RGPD2: variants seen among roughly 807,000 people sequenced by gnomAD.
RGPD2 encodes RANBP2-like and GRIP domain-containing protein 2.
RGPD2 carries 2 observed loss-of-function variants against 36.0 expected under a neutral mutation model. The ratio of observed to expected loss-of-function variants is 0.06; its 90% CI spans 0.02 to 0.17. The LOEUF (loss-of-function observed/expected upper bound fraction) is 0.17. RGPD2 is among the 10% of genes least tolerant of loss of function. RGPD2 has a pLI of 1.00. For missense variants in RGPD2, 40 were observed against 464.3 expected, an observed-to-expected ratio of 0.09 and a Z score of 8.40; for synonymous variants, 19 against 163.8, an observed-to-expected ratio of 0.12 and a Z score of 6.75.
chr2:87,924,687 C>G, the RGPD2 span, among the ~76,000 whole-genome samples: 1 of 146,482 alleles, frequency 6.8e-6, no homozygotes, highest in Admixed American at 6.8e-5. Flanking sequence ...GAAATACTTC[C>G]AATAATTTAA....
At chr2:87,988,580 A>C in the RGPD2 span, among the ~76,000 whole-genome samples, 1 of 121,478 alleles carries the variant, frequency 8.2e-6, no homozygotes, top group Non-Finnish European at 1.8e-5. Context: ...TCACTCTATC[A>C]CCTAGGCTGG....
At chr2:87,945,427 GAC>G in the RGPD2 span, among the ~76,000 whole-genome samples, 56 of 149,360 alleles carry the variant, frequency 3.7e-4, no homozygotes, top group Non-Finnish European at 7.1e-4. Flanking sequence ...ATTGATTATT[GAC>G]ACATACACAG....
chr2:87,987,999 A>G, the RGPD2 span, among the ~76,000 whole-genome samples: 2 of 151,402 alleles, frequency 1.3e-5, no homozygotes, highest in Non-Finnish European at 2.9e-5. Context: ...ACCTTTTAGA[A>G]GGCAAGGAAT....
chr2:87,973,713 A>T, the RGPD2 span, among the ~76,000 whole-genome samples: 1 of 145,682 alleles, frequency 6.9e-6, no homozygotes, highest in Non-Finnish European at 1.5e-5. Context: ...AAAAAAAAAG[A>T]GTGTGGGCTC....
At chr2:87,888,357 A>G in the RGPD2 span, among the ~76,000 whole-genome samples, 3 of 150,488 alleles carry the variant, frequency 2.0e-5, no homozygotes, top group African/African-American at 7.3e-5. Flanking sequence ...CAAATGGATT[A>G]TACACCCACA....
At chr2:87,878,243 A>G in the RGPD2 span, among the ~76,000 whole-genome samples, 1 of 150,794 alleles carries the variant, frequency 6.6e-6, no homozygotes, top group Non-Finnish European at 1.5e-5. Flanking sequence ...TTTTTTCTCT[A>G]TTCTTGTCTG....
At chr2:87,887,500 T>C in the RGPD2 span, among the ~76,000 whole-genome samples, 1 of 151,952 alleles carries the variant, frequency 6.6e-6, no homozygotes, top group East Asian at 1.9e-4. Flanking sequence ...ACTACATAGA[T>C]TTTACATTGT....
intron 20 of RGPD2, among the ~76,000 whole-genome samples, chr2:87,781,456 GTTT>G (rs947473930): frequency 9.0e-6 from 1 of 111,006 alleles, no homozygotes; most frequent in Admixed American, 9.0e-5. Context: ...GGTTTTTTTT[GTTT>G]TTTTGTTTTT....
the RGPD2 span, among the ~76,000 whole-genome samples, chr2:87,932,232 T>TA: frequency 1.0e-5 from 1 of 99,644 alleles, no homozygotes; most frequent in Non-Finnish European, 2.1e-5. Context: ...TTATTGGTTT[T>TA]ATGTCTGTTT....
At chr2:87,781,775 TTC>T (rs1191760220) in intron 20 of RGPD2, among the ~76,000 whole-genome samples, 7 of 140,752 alleles carry the variant, frequency 5.0e-5, no homozygotes, top group Non-Finnish European at 1.1e-4. Flanking sequence ...ATATCATGTT[TTC>T]TGAGTGACAA....
the RGPD2 span, among the ~76,000 whole-genome samples, chr2:87,919,970 C>G: frequency 6.6e-6 from 1 of 151,862 alleles, no homozygotes; most frequent in Admixed American, 6.6e-5. Flanking sequence ...TACTTTCTGC[C>G]ATAGTGCATT....
the RGPD2 span, among the ~76,000 whole-genome samples, chr2:87,877,804 CAAAAAAAAAA>C: frequency 3.1e-3 from 258 of 84,284 alleles, no homozygotes; most frequent in African/African-American, 0.01. Context: ...GACTCCGTCT[CAAAAAAAAAA>C]AAAAAAAAAA....
the RGPD2 span, among the ~76,000 whole-genome samples, chr2:87,961,402 T>C: frequency 4.6e-5 from 7 of 151,800 alleles, no homozygotes; most frequent in South Asian, 1.5e-3. Flanking sequence ...CACCCTGTGC[T>C]CTGAGGGTGT....
intron 1 of RGPD2, among the ~76,000 whole-genome samples, chr2:87,825,437 C>T (rs1381063276): frequency 8.4e-6 from 1 of 119,530 alleles, no homozygotes; most frequent in Non-Finnish European, 2.0e-5. Context: ...CCGCCGCCGC[C>T]GCCGCCCGGC....
At chr2:87,860,665 T>C in the RGPD2 span, among the ~76,000 whole-genome samples, 5 of 152,044 alleles carry the variant, frequency 3.3e-5, no homozygotes, top group African/African-American at 1.2e-4. Context: ...CCACAATAGT[T>C]TCATTTGAGA....
the RGPD2 span, among the ~76,000 whole-genome samples, chr2:87,921,329 C>G: frequency 3.9e-5 from 6 of 152,100 alleles, no homozygotes; most frequent in Non-Finnish European, 5.9e-5. Context: ...AGAGCCGGTC[C>G]CTGGACATTA....
chr2:87,866,774 C>G, the RGPD2 span, among the ~76,000 whole-genome samples: 1 of 151,754 alleles, frequency 6.6e-6, no homozygotes, highest in Admixed American at 6.6e-5. Context: ...GGCTGCTGCC[C>G]AGGCCCCAGG....
the RGPD2 span, among the ~76,000 whole-genome samples, chr2:87,877,694 A>G: frequency 1.3e-5 from 2 of 151,242 alleles, no homozygotes; most frequent in Admixed American, 6.6e-5. Flanking sequence ...AGTCCCAGCT[A>G]CTCGGGAGTC....
At chr2:87,843,760 G>C in the RGPD2 span, among the ~76,000 whole-genome samples, 8 of 152,072 alleles carry the variant, frequency 5.3e-5, no homozygotes, top group Non-Finnish European at 7.4e-5. Context: ...GACACATGCA[G>C]ACGTATGTTT....
Sources: gnomAD v4.1 joint callset for allele counts (sites outside exome capture counted in the v4.1 genomes callset) on GRCh38, gnomAD v4.1.1 for gene constraint, MANE v1.5 for transcripts, NCBI Gene and HGNC (gene_info 2026-07-23, HGNC 2026-07-21) for gene names.